Variants in PAX7 observed in about 807,000 individuals in gnomAD.
PAX7 encodes the protein paired box 7.
Under a neutral mutation model 50.7 loss-of-function variants are expected in PAX7, and 18 were observed. That is an observed-to-expected ratio of 0.36 (90% CI 0.25 to 0.53). PAX7 has a LOEUF of 0.53. Among genes scored for constraint, PAX7 ranks in the 20% least tolerant of loss-of-function variants. PAX7 has a pLI of 0.93. For synonymous variants in PAX7, 310 were observed against 290.4 expected, an observed-to-expected ratio of 1.07 and a Z score of -0.69; for missense variants, 644 against 702.9, an observed-to-expected ratio of 0.92 and a Z score of 0.95.
intron 4 of PAX7, among the ~76,000 whole-genome samples, chr1:18,681,053 G>A (rs933137558): frequency 6.7e-6 from 1 of 150,308 alleles, no homozygotes; most frequent in Non-Finnish European, 1.5e-5. Context: ...TGTAATCCCA[G>A]CTACTCGGAA....
At chr1:18,730,059 G>A (rs958171247) in intron 7 of PAX7, among the ~76,000 whole-genome samples, 7 of 152,120 alleles carry the variant, frequency 4.6e-5, no homozygotes, top group African/African-American at 1.7e-4. Flanking sequence ...GGCAGAAGAG[G>A]TGTCGGGGAG....
intron 7 of PAX7, among the ~76,000 whole-genome samples, chr1:18,715,269 G>C (rs2089404261): frequency 6.6e-6 from 1 of 152,124 alleles, no homozygotes; most frequent in Admixed American, 6.5e-5. Context: ...CCACACGGTG[G>C]GTTAGCTGTG....
At chr1:18,681,827 C>T (rs895780622) in intron 4 of PAX7, among the ~76,000 whole-genome samples, 1 of 151,922 alleles carries the variant, frequency 6.6e-6, no homozygotes, top group Non-Finnish European at 1.5e-5. Context: ...TCTCAGCTTA[C>T]TGCAACCTCT....
chr1:18,697,068 A>T (rs2089159015), intron 5 of PAX7, among the ~76,000 whole-genome samples: 2 of 152,132 alleles, frequency 1.3e-5, no homozygotes, highest in Admixed American at 1.3e-4. Context: ...TAAAAAAAAG[A>T]TACAGTTCAA....
intron 4 of PAX7, among the ~76,000 whole-genome samples, chr1:18,680,085 T>C (rs1276165827): frequency 6.6e-6 from 1 of 152,140 alleles, no homozygotes; most frequent in African/African-American, 2.4e-5. Flanking sequence ...ATTTTACAGA[T>C]GAGGAAATTG....
Position 18,735,530 on chromosome 1 carries a change from C to T in PAX7, c.1156-102C>T. Reference sequence around the variant, plus strand: ...CTACAGAGACTTCAAGGGAACAACTCTGGCAAAGAGTGTTCCAGGGCCAGC... The same window carrying T: ...CTACAGAGACTTCAAGGGAACAACTTTGGCAAAGAGTGTTCCAGGGCCAGC... On this transcript the variant is annotated intron_variant, in intron 7 of 8. Coordinates refer to ENST00000420770, the MANE Select transcript of PAX7 (RefSeq NM_001135254.2). The surrounding 1 kb of genome is among the most constrained non-coding windows in gnomAD (Gnocchi z 4.0). 2 of 1,519,914 alleles carry T rather than the reference C, an allele frequency of 1.3e-6. No individual in the cohort carries two copies. Among genetic ancestry groups the T allele is most frequent in the South Asian group, 1.3e-5 (1 of 76,684 alleles). The allele number at this position is 1,519,914 out of a possible 1,614,324, so 94.2% of individuals were successfully genotyped here.
In PAX7 at chr1:18,700,549, C is replaced by CTT. The variant is rs1262387346; in HGVS notation, c.787-103_787-102insTT. ...GCCGGGGCCTGCAGGAGGATGCTGGCTGGATCAGAGGGTGATGGCTTGGGC... is the reference window on the plus strand; with the variant it reads ...GCCGGGGCCTGCAGGAGGATGCTGGCTTTGGATCAGAGGGTGATGGCTTGGGC... On this transcript the variant is annotated intron_variant, in intron 5 of 8. Transcript: ENST00000420770. The surrounding 1 kb of genome is among the most constrained non-coding windows in gnomAD (Gnocchi z 4.8). The CTT allele has an allele frequency of 7.7e-5, 83 of 1,077,696 alleles. No homozygotes were observed. The highest frequency in any genetic ancestry group is 3.4e-4 in the Admixed American group (12 of 35,360). The allele number at this position is 1,077,696 out of a possible 1,614,324, so 66.8% of individuals were successfully genotyped here.
At chr1:18,667,959 A>G (rs1380041841) in intron 4 of PAX7, among the ~76,000 whole-genome samples, 1 of 152,148 alleles carries the variant, frequency 6.6e-6, no homozygotes, top group Non-Finnish European at 1.5e-5. Context: ...TGCTTCCTCT[A>G]CATCCCAGTC....
At chr1:18,728,781 C>G (rs1283712615) in intron 7 of PAX7, among the ~76,000 whole-genome samples, 1 of 151,608 alleles carries the variant, frequency 6.6e-6, no homozygotes, top group African/African-American at 2.4e-5. Flanking sequence ...AGGAGAATTG[C>G]TTGAACCTGG....
chr1:18,689,852 A>C (rs1028434051), intron 4 of PAX7, among the ~76,000 whole-genome samples: 4 of 152,188 alleles, frequency 2.6e-5, no homozygotes, highest in African/African-American at 9.7e-5. Context: ...GTAAGGCAGT[A>C]CTAGTTTCTC....
chr1:18,652,964 C>T (rs1470722928), intron 4 of PAX7, among the ~76,000 whole-genome samples: 1 of 152,214 alleles, frequency 6.6e-6, no homozygotes, highest in Non-Finnish European at 1.5e-5. Context: ...TACTCAGTTG[C>T]CTGGAGTCAC....
At chr1:18,657,044 A>G (rs904528193) in intron 4 of PAX7, among the ~76,000 whole-genome samples, 9 of 152,152 alleles carry the variant, frequency 5.9e-5, no homozygotes, top group African/African-American at 2.2e-4. Context: ...GTTAACACAT[A>G]TGGAATCAAA....
At chr1:18,652,618 G>A (rs775076402) in intron 4 of PAX7, among the ~76,000 whole-genome samples, 6 of 152,224 alleles carry the variant, frequency 3.9e-5, no homozygotes, top group Admixed American at 6.5e-5. Context: ...CTACTACTTA[G>A]GACAATGGCC....
At chr1:18,665,260 A>G (rs916006532) in intron 4 of PAX7, among the ~76,000 whole-genome samples, 8 of 152,194 alleles carry the variant, frequency 5.3e-5, no homozygotes, top group East Asian at 1.9e-4. Flanking sequence ...CCTATGGCAC[A>G]TGACCTTCAC....
intron 7 of PAX7, among the ~76,000 whole-genome samples, chr1:18,705,816 A>G (rs938632721): frequency 1.3e-5 from 2 of 152,176 alleles, no homozygotes; most frequent in African/African-American, 4.8e-5. Context: ...TACTGAAGCT[A>G]AAAGCGAGAG....
intron 4 of PAX7, among the ~76,000 whole-genome samples, chr1:18,682,024 C>T (rs1333943947): frequency 6.6e-6 from 1 of 152,142 alleles, no homozygotes; most frequent in East Asian, 1.9e-4. Flanking sequence ...AGGTGTGGGC[C>T]ACTATGTCCG....
rs1273093969 is a variant in PAX7 at position 18,735,964 on chromosome 1, G to A, written c.1402+86G>A. 1.2e-6 allele frequency: 2 copies of A among 1,613,842 alleles called. No individual in the cohort carries two copies. The highest frequency in any genetic ancestry group is 1.3e-5 in the African/African-American group (1 of 75,016). On this transcript the variant is annotated intron_variant, in intron 8 of 8. Coordinates refer to ENST00000420770, the MANE Select transcript of PAX7 (RefSeq NM_001135254.2). The surrounding 1 kb of genome is among the most constrained non-coding windows in gnomAD (Gnocchi z 4.0). ...CCTGCTTGTTTATGGAGAGCTACAA[G>A]GTGGTGTCAGGGTGGGGAATGTCCA...
intron 5 of PAX7, among the ~76,000 whole-genome samples, chr1:18,693,806 G>C (rs569806925): frequency 6.6e-6 from 1 of 152,186 alleles, no homozygotes; most frequent in East Asian, 1.9e-4. Context: ...TGGCGGCCAC[G>C]GCGGCTTCCC....
At chr1:18,656,339 CA>C (rs2088520538) in intron 4 of PAX7, among the ~76,000 whole-genome samples, 1 of 151,912 alleles carries the variant, frequency 6.6e-6, no homozygotes, top group Admixed American at 6.6e-5. Context: ...ATTAAAAATA[CA>C]AAAAACAAAT....
Sources: gnomAD v4.1 joint callset for allele counts (sites outside exome capture counted in the v4.1 genomes callset) on GRCh38, gnomAD v4.1.1 for gene constraint, Gnocchi (gnomAD v3.1) non-coding constraint, MANE v1.5 for transcripts, NCBI Gene and HGNC (gene_info 2026-07-23, HGNC 2026-07-21) for gene names.